RB1: variants seen among roughly 807,000 people sequenced by gnomAD.
RB1 encodes retinoblastoma-associated protein.
A neutral mutation model predicts 135.4 loss-of-function variants in RB1; 18 were observed. The ratio of observed to expected loss-of-function variants is 0.13; its 90% CI spans 0.09 to 0.20. RB1 has a LOEUF of 0.20. Ranked by LOEUF, RB1 falls within the 10% of genes least tolerant of loss-of-function variation. RB1 has a pLI of 1.00. For synonymous variants in RB1, 365 were observed against 373.2 expected (o/e 0.98, Z 0.25); for missense variants, 868 against 1,110.0 (o/e 0.78, Z 3.10).
chr13:48,334,952 A>G (rs972279571), intron 2 of RB1, among the ~76,000 whole-genome samples: 3 of 152,152 alleles, frequency 2.0e-5, no homozygotes, highest in Non-Finnish European at 4.4e-5. Context: ...CTCCTGCTTT[A>G]TGTAAATGTA....
intron 18 of RB1, among the ~76,000 whole-genome samples, chr13:48,454,664 GAGAAACGGAGAGGCTGAT>G (rs1949349224): frequency 6.6e-6 from 1 of 152,206 alleles, no homozygotes; most frequent in African/African-American, 2.4e-5. Context: ...GTGTGAAAGA[GAGAAACGGAGAGGCTGAT>G]AGAATGCTTA....
Position 48,358,050 on chromosome 13 carries a change from A to T in RB1, c.608-1967A>T, listed in dbSNP as rs537330792. On this transcript the variant is annotated intron_variant, in intron 6 of 26. Transcript: ENST00000267163. ...TGGGTTCTTCCTGCTGGCTGCACAG[A>T]CAAAATCAATCCACCAAGATTGTGG... Among the ~76,000 whole-genome samples, 10 of 152,266 alleles carry T rather than the reference A, an allele frequency of 6.6e-5. No homozygotes were observed. In the East Asian group the frequency reaches 1.4e-3, roughly 21 times the overall value.
At chr13:48,471,974 C>G (rs574062438) in intron 23 of RB1, among the ~76,000 whole-genome samples, 1 of 152,312 alleles carries the variant, frequency 6.6e-6, no homozygotes, top group Admixed American at 6.5e-5. Context: ...GAGTATGAAG[C>G]TGTTTTAAAT....
At chr13:48,465,145 T>A in intron 22 of RB1, 34 bp downstream of exon 22, 1 of 1,613,290 alleles carries the variant, frequency 6.2e-7, no homozygotes. Context: ...TGGAAAAATC[T>A]AATGTAATGG....
Position 48,379,582 on chromosome 13 carries a change from G to GT in RB1, c.1333-9dup, listed in dbSNP as rs766968771. 38 of 1,603,184 alleles carry GT rather than the reference G, an allele frequency of 2.4e-5. No homozygotes were observed. Among genetic ancestry groups the GT allele is most frequent in the Middle Eastern group, 3.8e-4 (2 of 5,324 alleles). On this transcript the variant is annotated splice_polypyrimidine_tract_variant and intron_variant, in intron 13 of 26. Coordinates refer to ENST00000267163, the MANE Select transcript of RB1 (RefSeq NM_000321.3). ...ATAGCAGGCTCTTATTTTTCTTTTT[G>GT]TTTGTTTGTAGCGATACAAACTTGG...
chr13:48,446,943 A>G (rs1401584886), intron 17 of RB1, among the ~76,000 whole-genome samples: 1 of 152,230 alleles, frequency 6.6e-6, no homozygotes. Context: ...TATTAGCTCT[A>G]TGAGGACATC....
Position 48,303,820 on chromosome 13 carries a change from T to G in RB1, c.-93T>G, listed in dbSNP as rs1432531949. The G allele has an allele frequency of 6.9e-7, 1 of 1,457,604 alleles. No homozygotes were observed. The highest frequency in any genetic ancestry group is 1.5e-5 in the African/African-American group (1 of 67,244). 90.3% of individuals were successfully genotyped at this position (1,457,604 alleles called of 1,614,324 possible). On this transcript the variant is annotated 5_prime_UTR_variant, in exon 1 of 27. Coordinates refer to ENST00000267163, the MANE Select transcript of RB1 (RefSeq NM_000321.3). ...GTTGAAATTATTTTTGTAACGGGAGTCGGGAGAGGACGGGGCGTGCCCCGA... is the reference window on the plus strand; with the variant it reads ...GTTGAAATTATTTTTGTAACGGGAGGCGGGAGAGGACGGGGCGTGCCCCGA...
In RB1 at chr13:48,319,072, C is replaced by T; in HGVS notation, c.264+11666C>T. On this transcript the variant is annotated intron_variant, in intron 2 of 26. Transcript: ENST00000267163. This position sits in a 1 kb window ranked among gnomAD's most constrained non-coding sequence, Gnocchi z 5.0. Reference sequence around the variant, plus strand: ...GTTCAGCGGACGTGTCTGCCTGGCACGAGGACCGTTCTACAAACTCGTTCC... The same window carrying T: ...GTTCAGCGGACGTGTCTGCCTGGCATGAGGACCGTTCTACAAACTCGTTCC... 2 of 617,108 alleles carry T rather than the reference C, an allele frequency of 3.2e-6. No homozygotes were observed. The highest frequency in any genetic ancestry group is 3.0e-6 in the Non-Finnish European group (1 of 332,376). The allele number at this position is 617,108 out of a possible 1,614,324, so 38.2% of individuals were successfully genotyped here.
chr13:48,350,836 T>C (rs1481038604), intron 6 of RB1, among the ~76,000 whole-genome samples: 2 of 152,176 alleles, frequency 1.3e-5, no homozygotes, highest in Non-Finnish European at 2.9e-5. Flanking sequence ...CAGTATTTAG[T>C]TTTTTATTCC....
intron 1 of RB1, among the ~76,000 whole-genome samples, 175 bp from the exon 2 acceptor site, chr13:48,307,105 A>C (rs1308617919): frequency 6.6e-6 from 1 of 152,258 alleles, no homozygotes; most frequent in Admixed American, 6.5e-5. Context: ...TGAAAAAGAT[A>C]ATCATATGTT....
intron 17 of RB1, among the ~76,000 whole-genome samples, chr13:48,419,480 G>C (rs941435588): frequency 1.3e-5 from 2 of 152,212 alleles, no homozygotes; most frequent in African/African-American, 4.8e-5. Flanking sequence ...AAAAGAACTA[G>C]AGAAGCAAGA....
At chr13:48,458,938 G>C (rs1949378719) in intron 19 of RB1, among the ~76,000 whole-genome samples, 1 of 151,986 alleles carries the variant, frequency 6.6e-6, no homozygotes, top group African/African-American at 2.4e-5. Flanking sequence ...GAAATGTGTG[G>C]TTTAATTTTT....
intron 17 of RB1, among the ~76,000 whole-genome samples, chr13:48,416,159 C>A (rs1182867831): frequency 1.3e-5 from 2 of 152,160 alleles, no homozygotes; most frequent in Non-Finnish European, 2.9e-5. Context: ...AACACAGGAA[C>A]AGCTGGAGTC....
rs1952454065 is a variant in RB1, at chr13:48,342,460, ATG to A, written c.265-135_265-134del. 3 of 568,546 alleles carry A rather than the reference ATG, an allele frequency of 5.3e-6. No individual in the cohort carries two copies. In the South Asian group the frequency reaches 7.0e-5, roughly 13 times the overall value. The allele number at this position is 568,546 out of a possible 1,614,324, so 35.2% of individuals were successfully genotyped here. A position where few individuals can be genotyped will look rare whatever the true frequency, so the allele number is the denominator to read the frequency against. On this transcript the variant is annotated intron_variant, in intron 2 of 26. Transcript: ENST00000267163. The stretch of plus-strand genomic sequence containing the variant: ...CTTTCAAATATATGCCATCAGAAGG[ATG>A]TGTTACAAATATACAGTATTACAAA...
At chr13:48,423,259 G>A (rs1329082884) in intron 17 of RB1, among the ~76,000 whole-genome samples, 1 of 151,996 alleles carries the variant, frequency 6.6e-6, no homozygotes, top group Admixed American at 6.6e-5. Flanking sequence ...CTGCTGGGTT[G>A]GGTTTTTGTT....
chr13:48,398,233 T>A (rs993996874), intron 17 of RB1, among the ~76,000 whole-genome samples: 5 of 152,118 alleles, frequency 3.3e-5, no homozygotes, highest in Middle Eastern at 3.2e-3. Flanking sequence ...ATTTTAATTT[T>A]AAAAAATTCA....
At chr13:48,432,189 C>T (rs1949136825) in intron 17 of RB1, among the ~76,000 whole-genome samples, 1 of 152,078 alleles carries the variant, frequency 6.6e-6, no homozygotes, top group South Asian at 2.1e-4. Context: ...AGGAATGAAT[C>T]ATGTGGTTGT....
intron 17 of RB1, among the ~76,000 whole-genome samples, chr13:48,431,531 A>G (rs1260386470): frequency 6.6e-6 from 1 of 152,220 alleles, no homozygotes. Flanking sequence ...GCCACTAGTC[A>G]TCTATTCCCA....
chr13:48,355,292 A>G (rs906860385), intron 6 of RB1, among the ~76,000 whole-genome samples: 24 of 152,156 alleles, frequency 1.6e-4, no homozygotes, highest in African/African-American at 5.8e-4. Flanking sequence ...AAGACATACA[A>G]ATGACAAACA....
Sources: allele counts gnomAD v4.1 joint callset (sites outside exome capture counted in the v4.1 genomes callset), GRCh38; gene constraint gnomAD v4.1.1; non-coding constraint Gnocchi (gnomAD v3.1); transcripts MANE v1.5; gene names NCBI Gene and HGNC (gene_info 2026-07-23, HGNC 2026-07-21).